ARHGAP23: variants seen among roughly 807,000 people sequenced by gnomAD.
The protein encoded by ARHGAP23 is rho GTPase-activating protein 23.
Under a neutral mutation model 136.3 loss-of-function variants are expected in ARHGAP23, and 34 were observed. That is an observed-to-expected ratio of 0.25 (90% CI 0.19 to 0.33). The LOEUF (loss-of-function observed/expected upper bound fraction) is 0.33, where lower values mean the gene tolerates loss of function less well. Among genes scored for constraint, ARHGAP23 ranks in the 10% least tolerant of loss-of-function variants. The probability of loss-of-function intolerance (pLI) is 1.00; values close to 1 mark genes in which losing one functional copy is unlikely to be tolerated. For synonymous variants in ARHGAP23, 832 were observed against 920.5 expected, an observed-to-expected ratio of 0.90 and a Z score of 1.74; for missense variants, 1,808 against 2,139.0, an observed-to-expected ratio of 0.85 and a Z score of 3.05.
chr17:38,439,093 C>G (rs1287746801), intron 1 of ARHGAP23, among the ~76,000 whole-genome samples: 2 of 151,866 alleles, frequency 1.3e-5, no homozygotes, highest in Non-Finnish European at 2.9e-5. Context: ...AGGAGAATCA[C>G]TTGAACCCGG....
intron 1 of ARHGAP23, among the ~76,000 whole-genome samples, chr17:38,455,884 G>T (rs1048140179): frequency 6.6e-6 from 1 of 152,228 alleles, no homozygotes; most frequent in Non-Finnish European, 1.5e-5. Flanking sequence ...CCCCATGGGG[G>T]TGCAGGGCAC....
chr17:38,511,223 G>T lies in ARHGAP23; in HGVS notation c.*251G>T, dbSNP rs1469690177. 4.3e-6 allele frequency: 2 copies of T among 463,984 alleles called. No homozygotes were observed. Among genetic ancestry groups the T allele is most frequent in the African/African-American group, 2.1e-5 (1 of 48,546 alleles). 28.7% of individuals were successfully genotyped at this position (463,984 alleles called of 1,614,324 possible). A position where few individuals can be genotyped will look rare whatever the true frequency, so the allele number is the denominator to read the frequency against. On this transcript the variant is annotated 3_prime_UTR_variant, in exon 24 of 24. Transcript: ENST00000622683. ...AGAGGAGGGGGCGTGGGCTGCTGGGGTCTGTGTCCCTGCACACATGCGCCC... is the reference window on the plus strand; with the variant it reads ...AGAGGAGGGGGCGTGGGCTGCTGGGTTCTGTGTCCCTGCACACATGCGCCC...
chr17:38,437,674 T>C (rs1001589331), intron 1 of ARHGAP23, among the ~76,000 whole-genome samples: 3 of 149,748 alleles, frequency 2.0e-5, no homozygotes, highest in Non-Finnish European at 4.5e-5. Context: ...AGGTCTGTCA[T>C]TGTGGTGACT....
upstream of ARHGAP23, chr17:38,428,277 C>G (rs1258619950): frequency 5.5e-5 from 13 of 235,564 alleles, no homozygotes; most frequent in African/African-American, 2.8e-4. Context: ...TGCCTCAGCC[C>G]GGTTGCAGGT....
rs967215456 is a variant in ARHGAP23 at position 38,510,869 on chromosome 17, C to T, written c.4373C>T (p.Pro1458Leu). The change falls in exon 24 of 24, where the codon CCG becomes CTG. Residue 1458 changes from proline (P) to leucine (L), a missense_variant. Pro to Leu is a moderately conservative substitution (Grantham distance 98). Coordinates refer to ENST00000622683, the MANE Select transcript of ARHGAP23 (RefSeq NM_001199417.2). This position sits in a 1 kb window ranked among gnomAD's most constrained non-coding sequence, Gnocchi z 4.6. Reference sequence around the variant, plus strand: ...CTGGAGTCCACCAAGGCGCGGGCCCCGTCGTCCGCTGCCTCGCAGCCGCCC... The same window carrying T: ...CTGGAGTCCACCAAGGCGCGGGCCCTGTCGTCCGCTGCCTCGCAGCCGCCC... ...SSLESTKARA[P>L]SSAASQPPAP... 4 of 1,499,126 alleles carry T rather than the reference C, an allele frequency of 2.7e-6. No individual in the cohort carries two copies. In the African/African-American group the frequency reaches 4.4e-5, roughly 16 times the overall value. 92.9% of individuals were successfully genotyped at this position (1,499,126 alleles called of 1,614,324 possible). A position where few individuals can be genotyped will look rare whatever the true frequency, so the allele number is the denominator to read the frequency against.
At chr17:38,439,776 A>C (rs2038880363) in intron 1 of ARHGAP23, among the ~76,000 whole-genome samples, 1 of 143,762 alleles carries the variant, frequency 7.0e-6, no homozygotes, top group Non-Finnish European at 1.5e-5. Flanking sequence ...CTGCTTAGGA[A>C]CTTTTTTTTT....
At position 38,477,385 on chromosome 17, in the gene ARHGAP23, C is replaced by T. The variant is rs375370919; in HGVS notation, c.2119-194C>T. Among the ~76,000 whole-genome samples the T allele has an allele frequency of 6.6e-6, 1 of 151,840 alleles. No homozygotes were observed. Among genetic ancestry groups the T allele is most frequent in the Non-Finnish European group, 1.5e-5 (1 of 67,952 alleles). Reference sequence around the variant, plus strand: ...AGGATGATGGGTAGGGGTGTCTAGGCAGGCAAGGGGCTGAGAAGGCATTGG... The same window carrying T: ...AGGATGATGGGTAGGGGTGTCTAGGTAGGCAAGGGGCTGAGAAGGCATTGG... On this transcript the variant is annotated intron_variant, in intron 11 of 23. Transcript: ENST00000622683. This position sits in a 1 kb window ranked among gnomAD's most constrained non-coding sequence, Gnocchi z 6.6.
chr17:38,491,249 C>T (rs1832731855), intron 19 of ARHGAP23, among the ~76,000 whole-genome samples, 158 bp from the exon 20 acceptor site: 1 of 152,230 alleles, frequency 6.6e-6, no homozygotes, highest in African/African-American at 2.4e-5. Context: ...CTGGTCTGTG[C>T]TCTACTCATC....
rs2040724552 is a variant in ARHGAP23 at position 38,510,210 on chromosome 17, G to A, written c.3714G>A (p.Arg1238=). 1 of 1,370,574 alleles carries A rather than the reference G, an allele frequency of 7.3e-7. No individual in the cohort carries two copies. Among genetic ancestry groups the A allele is most frequent in the African/African-American group, 1.5e-5 (1 of 66,528 alleles). 84.9% of individuals were successfully genotyped at this position (1,370,574 alleles called of 1,614,324 possible). A position where few individuals can be genotyped will look rare whatever the true frequency, so the allele number is the denominator to read the frequency against. Residue 1238 remains arginine, a synonymous_variant, in exon 24 of 24, where the codon CGG becomes CGA. Transcript: ENST00000622683. The surrounding 1 kb of genome is among the most constrained non-coding windows in gnomAD (Gnocchi z 4.6). Reference sequence around the variant, plus strand: ...GTCCCCCGGCGGCGCCGGAGGAGCGGCCGGCCGCGGACACGCGCTCCATTG... The same window carrying A: ...GTCCCCCGGCGGCGCCGGAGGAGCGACCGGCCGCGGACACGCGCTCCATTG... The part of the protein sequence containing the change: ...RLSPPAAPEE[R]PAADTRSIVS...
chr17:38,471,565 T>A (rs1213199504), intron 10 of ARHGAP23, among the ~76,000 whole-genome samples: 2 of 152,230 alleles, frequency 1.3e-5, no homozygotes, highest in Non-Finnish European at 2.9e-5. Context: ...ATTTCCTTGA[T>A]TCTTCTAAGT....
chr17:38,485,961 G>T, intron 16 of ARHGAP23, 101 bp from the exon 17 acceptor site: 2 of 1,108,752 alleles, frequency 1.8e-6, no homozygotes, highest in Non-Finnish European at 2.6e-6. Context: ...TAGGTCCCAG[G>T]GAGGGCCTGG....
At chr17:38,471,337 C>T (rs925268767) in intron 10 of ARHGAP23, among the ~76,000 whole-genome samples, 4 of 152,206 alleles carry the variant, frequency 2.6e-5, no homozygotes, top group African/African-American at 9.7e-5. Flanking sequence ...GTTGGTTGAA[C>T]ACCCTGGTGA....
At position 38,510,315 on chromosome 17, in the gene ARHGAP23, T is replaced by C. The variant is rs62074752; in HGVS notation, c.3819T>C (p.Asp1273=). The stretch of plus-strand genomic sequence containing the variant: ...GCGGTCGGCGGGCAGGGGCGGGGGA[T>C]GAGGCGGACGACGAGCGTAGCGAGC... The part of the protein sequence containing the change: ...GASGRRAGAG[D]EADDERSELS... Residue 1273 remains aspartate (D), a synonymous_variant, in exon 24 of 24, where the codon GAT becomes GAC. Transcript: ENST00000622683. This position sits in a 1 kb window ranked among gnomAD's most constrained non-coding sequence, Gnocchi z 4.6. 1,039,992 of 1,271,044 alleles carry C rather than the reference T, an allele frequency of 0.82. 426,179 individuals are homozygous for C. The highest frequency in any genetic ancestry group is 0.91 in the East Asian group (28,812 of 31,836). 78.7% of individuals were successfully genotyped at this position (1,271,044 alleles called of 1,614,324 possible).
At chr17:38,426,646 C>T (rs1329112906), upstream of ARHGAP23, among the ~76,000 whole-genome samples, 1 of 151,542 alleles carries the variant, frequency 6.6e-6, no homozygotes, top group Non-Finnish European at 1.5e-5. Flanking sequence ...TCTGGCTGCA[C>T]ATGACCTTGA....
Position 38,436,394 on chromosome 17 carries a change from C to CA in ARHGAP23, c.63+7846_63+7847insA, listed in dbSNP as rs1334289607. The stretch of plus-strand genomic sequence containing the variant: ...TATTCCCCTCAGCTACCCCTACCCC[C>CA]CCAAAAAAAACGCTGAGGAGAGTGC... On this transcript the variant is annotated intron_variant, in intron 1 of 23. Transcript: ENST00000622683. 3.8e-5 allele frequency among the ~76,000 whole-genome samples: 5 copies of CA among 133,018 alleles called. No individual in the cohort carries two copies. In the East Asian group the frequency reaches 7.0e-4, roughly 19 times the overall value. 87.3% of individuals were successfully genotyped at this position (133,018 alleles called of 152,430 possible).
chr17:38,479,211 C>T (rs1597815557), intron 12 of ARHGAP23, among the ~76,000 whole-genome samples: 2 of 152,162 alleles, frequency 1.3e-5, no homozygotes, highest in South Asian at 4.1e-4. Flanking sequence ...TGTTAGCCCC[C>T]CATGTTTATT....
chr17:38,458,474 G>A (rs1258846583), intron 2 of ARHGAP23, among the ~76,000 whole-genome samples: 6 of 152,170 alleles, frequency 3.9e-5, no homozygotes, highest in Non-Finnish European at 7.3e-5. Flanking sequence ...GTGTGACCGT[G>A]GACAAACACT....
chr17:38,432,078 C>T (rs955500701), intron 1 of ARHGAP23, among the ~76,000 whole-genome samples: 4 of 152,200 alleles, frequency 2.6e-5, no homozygotes, highest in Non-Finnish European at 4.4e-5. Flanking sequence ...CCCCCCAGGG[C>T]GCCCCATGCC....
At chr17:38,504,397 G>T (rs1301426224) in intron 23 of ARHGAP23, among the ~76,000 whole-genome samples, 1 of 152,208 alleles carries the variant, frequency 6.6e-6, no homozygotes, top group Non-Finnish European at 1.5e-5. Context: ...GCATCTGAGA[G>T]CCTGCGGCCT....
Sources: gnomAD v4.1 joint callset for allele counts (sites outside exome capture counted in the v4.1 genomes callset) on GRCh38, gnomAD v4.1.1 for gene constraint, Gnocchi (gnomAD v3.1) non-coding constraint, MANE v1.5 for transcripts, NCBI Gene and HGNC (gene_info 2026-07-23, HGNC 2026-07-21) for gene names.